Variants in WWTR1 observed in about 807,000 individuals in gnomAD.
WWTR1 encodes the protein WW domain-containing transcription regulator protein 1.
In WWTR1, 13 loss-of-function variants were observed where a neutral mutation model predicts 40.1. The ratio of observed to expected loss-of-function variants is 0.32; its 90% CI spans 0.21 to 0.52. The LOEUF is 0.52. WWTR1 is among the 20% of genes least tolerant of loss of function. The probability of loss-of-function intolerance (pLI) is 0.97; values close to 1 mark genes in which losing one functional copy is unlikely to be tolerated. For missense variants in WWTR1, 436 were observed against 523.1 expected (o/e 0.83, Z 1.63); for synonymous variants, 230 against 210.1 (o/e 1.09, Z -0.82).
At chr3:149,718,618 G>A (rs1272591048) in intron 4 of WWTR1, among the ~76,000 whole-genome samples, 1 of 152,054 alleles carries the variant, frequency 6.6e-6, no homozygotes, top group Non-Finnish European at 1.5e-5. Context: ...CTCTATGCCC[G>A]TTAAACAACA....
chr3:149,627,614 T>C (rs565661001), intron 2 of WWTR1, among the ~76,000 whole-genome samples: 4 of 152,270 alleles, frequency 2.6e-5, no homozygotes, highest in East Asian at 3.9e-4. Context: ...TCAAAGTTTG[T>C]ATTAAACCAA....
At chr3:149,642,285 T>TTGCAA in intron 2 of WWTR1, among the ~76,000 whole-genome samples, 1 of 151,894 alleles carries the variant, frequency 6.6e-6, no homozygotes, top group East Asian at 1.9e-4. Context: ...CCAGGCGTGG[T>TTGCAA]GGCCCATGCC....
chr3:149,672,716 T>C (rs1055936172), intron 1 of WWTR1, among the ~76,000 whole-genome samples: 1 of 151,900 alleles, frequency 6.6e-6, no homozygotes, highest in African/African-American at 2.4e-5. Context: ...TTATAAATGT[T>C]TATATAAAAA....
chr3:149,623,246 C>T (rs1489740955), intron 2 of WWTR1, among the ~76,000 whole-genome samples: 1 of 152,094 alleles, frequency 6.6e-6, no homozygotes, highest in Admixed American at 6.5e-5. Context: ...GCCTGTAATC[C>T]CAGCTACTCA....
chr3:149,564,599 A>G (rs965445881), intron 3 of WWTR1, among the ~76,000 whole-genome samples: 1 of 152,096 alleles, frequency 6.6e-6, no homozygotes, highest in Non-Finnish European at 1.5e-5. Flanking sequence ...CACTATTAAC[A>G]TTTAAAAATA....
chr3:149,672,369 A>T (rs9847989), intron 1 of WWTR1, among the ~76,000 whole-genome samples: 132,311 of 152,174 alleles, frequency 0.87, 57,590 homozygotes, highest in East Asian at 0.98. Flanking sequence ...TCCACTCACA[A>T]GTTGTTGCCA....
At chr3:149,662,039 C>T (rs1243912481), upstream of WWTR1, among the ~76,000 whole-genome samples, 1 of 152,092 alleles carries the variant, frequency 6.6e-6, no homozygotes, top group East Asian at 1.9e-4. Context: ...CCAAATAAAG[C>T]TCTTAACACA....
chr3:149,597,897 T>C (rs1485680725), intron 2 of WWTR1, among the ~76,000 whole-genome samples: 1 of 152,242 alleles, frequency 6.6e-6, no homozygotes, highest in Non-Finnish European at 1.5e-5. Context: ...AAATTAATTC[T>C]GTGCAAATCT....
intron 6 of WWTR1, among the ~76,000 whole-genome samples, chr3:149,522,339 C>T (rs1164951100): frequency 2.6e-5 from 4 of 152,094 alleles, no homozygotes; most frequent in African/African-American, 9.7e-5. Flanking sequence ...ATGAAGGAAC[C>T]ATCATCCAAT....
chr3:149,541,678 C>T (rs1056872490), intron 4 of WWTR1, among the ~76,000 whole-genome samples: 4 of 152,020 alleles, frequency 2.6e-5, no homozygotes, highest in South Asian at 4.2e-4. Context: ...CAGAGCTAGG[C>T]CCCAAGAAAT....
upstream of WWTR1, among the ~76,000 whole-genome samples, chr3:149,704,024 C>T (rs2108226144): frequency 6.6e-6 from 1 of 152,276 alleles, no homozygotes; most frequent in South Asian, 2.1e-4. Flanking sequence ...GTCACCAAGG[C>T]TGGAGTGCAG....
intron 4 of WWTR1, among the ~76,000 whole-genome samples, chr3:149,717,894 T>A (rs1482197039): frequency 1.3e-5 from 2 of 152,232 alleles, no homozygotes; most frequent in East Asian, 3.9e-4. Flanking sequence ...TGAGTATTCA[T>A]TCATGTTTTT....
intron 2 of WWTR1, among the ~76,000 whole-genome samples, chr3:149,619,067 G>C (rs575780502): frequency 7.2e-5 from 11 of 152,340 alleles, no homozygotes; most frequent in Admixed American, 4.6e-4. Context: ...AACAATGGCA[G>C]AGAGGAATAG....
upstream of WWTR1, among the ~76,000 whole-genome samples, chr3:149,661,610 G>C (rs1713578995): frequency 6.6e-6 from 1 of 151,364 alleles, no homozygotes; most frequent in African/African-American, 2.4e-5. Context: ...TTTTAGTAGA[G>C]GCAGGATTTC....
At chr3:149,594,720 C>T (rs1406248674) in intron 2 of WWTR1, among the ~76,000 whole-genome samples, 1 of 149,370 alleles carries the variant, frequency 6.7e-6, no homozygotes, top group Non-Finnish European at 1.5e-5. Context: ...CAGACACACA[C>T]ACAAACACAC....
intron 2 of WWTR1, chr3:149,576,104 ACT>A (rs1737865763): frequency 4.4e-6 from 2 of 456,608 alleles, no homozygotes; most frequent in South Asian, 3.1e-5. Context: ...CTCCAAAACA[ACT>A]CTGAGAAGAA....
chr3:149,610,992 T>A (rs56327181), intron 2 of WWTR1, among the ~76,000 whole-genome samples: 8,398 of 136,922 alleles, frequency 0.061, 336 homozygotes, highest in Non-Finnish European at 0.085. Context: ...AAAAAAAAAA[T>A]TTTTTTTAAA....
At chr3:149,680,227 T>C (rs1006587469) in intron 1 of WWTR1, among the ~76,000 whole-genome samples, 8 of 152,172 alleles carry the variant, frequency 5.3e-5, no homozygotes, top group African/African-American at 1.9e-4. Context: ...GTTGTGAATA[T>C]CAAATGAGGG....
Position 149,551,123 on chromosome 3 carries a change from C to T in WWTR1, c.569-8586G>A, listed in dbSNP as rs1736601008. Among the ~76,000 whole-genome samples, 2 of 143,870 alleles carry T rather than the reference C, an allele frequency of 1.4e-5. 1 individual carries two copies. The highest frequency in any genetic ancestry group is 3.0e-5 in the Non-Finnish European group (2 of 65,898). The allele number at this position is 143,870 out of a possible 152,430, so 94.4% of individuals were successfully genotyped here. A position where few individuals can be genotyped will look rare whatever the true frequency, so the allele number is the denominator to read the frequency against. The stretch of plus-strand genomic sequence containing the variant: ...GACCAGCCTGACCAACATGGAGAAA[C>T]CCCATCTCTATTAAAAATACAAAAT... On this transcript the variant is annotated intron_variant, in intron 3 of 6. Coordinates refer to ENST00000360632, the MANE Select transcript of WWTR1 (RefSeq NM_015472.6).
Sources: allele counts gnomAD v4.1 joint callset (sites outside exome capture counted in the v4.1 genomes callset), GRCh38; gene constraint gnomAD v4.1.1; transcripts MANE v1.5; gene names NCBI Gene and HGNC (gene_info 2026-07-23, HGNC 2026-07-21).